Variants in SNAP91 observed in about 807,000 individuals in gnomAD.
The protein encoded by SNAP91 is synaptosome associated protein 91, also known as clathrin coat assembly protein AP180.
SNAP91 carries 27 observed loss-of-function variants against 100.3 expected under a neutral mutation model. That is an observed-to-expected ratio of 0.27 (90% confidence interval 0.20 to 0.37). SNAP91 has a LOEUF of 0.37. SNAP91 is among the 10% of genes least tolerant of loss of function. SNAP91 has a pLI of 1.00. For missense variants in SNAP91, 986 were observed against 1,123.7 expected, an observed-to-expected ratio of 0.88 and a Z score of 1.75; for synonymous variants, 404 against 398.6, an observed-to-expected ratio of 1.01 and a Z score of -0.16.
intron 11 of SNAP91, 57 bp downstream of exon 11, chr6:83,614,800 T>C: frequency 1.5e-6 from 2 of 1,346,108 alleles, no homozygotes; most frequent in Non-Finnish European, 2.0e-6. Context: ...CTTAAGAGTG[T>C]TTTTTGCATT....
rs1433276848 is a variant in SNAP91 at position 83,581,843 on chromosome 6, G to C, written c.2149+379C>G. Among the ~76,000 whole-genome samples the C allele has an allele frequency of 2.6e-5, 4 of 152,298 alleles. No individual in the cohort carries two copies. In the South Asian group the frequency reaches 6.2e-4, roughly 24 times the overall value. ...ACTGAGGGCCATGCAGGCTTCAGAG[G>C]ATGTAAGCAACAGCAGTGGGAGTGT... On this transcript the variant is annotated intron_variant, in intron 23 of 29. Coordinates refer to ENST00000369694, the MANE Select transcript of SNAP91 (RefSeq NM_001242792.2).
chr6:83,612,706 T>C (rs2096217934), intron 11 of SNAP91, among the ~76,000 whole-genome samples: 1 of 151,694 alleles, frequency 6.6e-6, no homozygotes, highest in Non-Finnish European at 1.5e-5. Context: ...CGAAACCCTG[T>C]CTCTACTAAA....
At chr6:83,682,172 C>CTTTTT (rs59549595) in intron 2 of SNAP91, among the ~76,000 whole-genome samples, 2 of 123,502 alleles carry the variant, frequency 1.6e-5, no homozygotes, top group Admixed American at 9.0e-5. Flanking sequence ...TTCTTTAATT[C>CTTTTT]TTTTTTTTTT....
At chr6:83,611,215 G>A (rs2096047854) in intron 11 of SNAP91, among the ~76,000 whole-genome samples, 1 of 151,792 alleles carries the variant, frequency 6.6e-6, no homozygotes, top group South Asian at 2.1e-4. Context: ...CCCCCCCCAT[G>A]GCTGTAATAA....
intron 24 of SNAP91, among the ~76,000 whole-genome samples, chr6:83,576,452 G>A (rs1450425735): frequency 2.0e-5 from 3 of 152,194 alleles, no homozygotes; most frequent in African/African-American, 7.2e-5. Context: ...GGTTTATGTT[G>A]AATATCCACT....
At position 83,560,912 on chromosome 6, in the gene SNAP91, A is replaced by T. The variant is rs754994559; in HGVS notation, c.2478T>A (p.Pro826=). Reference sequence around the variant, plus strand: ...GTCCAACCGATGGGGCCCCGGCAACAGGAGGAACTGAACTGGTTGGAGGTA... The same window carrying T: ...GTCCAACCGATGGGGCCCCGGCAACTGGAGGAACTGAACTGGTTGGAGGTA... ...GAVPPTSSVP[P]VAGAPSVGQP... is the part of the protein sequence containing the mutation. The change falls in exon 27 of 30, where the codon CCT becomes CCA. Residue 826 remains proline (P), a synonymous_variant. Coordinates refer to ENST00000369694, the MANE Select transcript of SNAP91 (RefSeq NM_001242792.2). 6.2e-7 allele frequency: 1 copy of T among 1,613,772 alleles called. No individual in the cohort carries two copies. Among genetic ancestry groups the T allele is most frequent in the Admixed American group, 1.7e-5 (1 of 59,962 alleles).
chr6:83,690,576 C>A, intron 2 of SNAP91: 1 of 351,178 alleles, frequency 2.8e-6, no homozygotes. Context: ...AAAGAGAAAG[C>A]CTACTAAAAT....
chr6:83,600,139 A>G (rs549008559), intron 16 of SNAP91, among the ~76,000 whole-genome samples: 2 of 152,198 alleles, frequency 1.3e-5, no homozygotes, highest in East Asian at 3.9e-4. Flanking sequence ...TCTTTTACAA[A>G]CAGGTTTCTC....
chr6:83,606,099 T>C (rs1309196758), intron 13 of SNAP91, among the ~76,000 whole-genome samples: 2 of 152,178 alleles, frequency 1.3e-5, no homozygotes, highest in African/African-American at 4.8e-5. Flanking sequence ...AATCAACATG[T>C]CTTTGTTCAA....
At chr6:83,595,601 T>C (rs566477695) in intron 16 of SNAP91, among the ~76,000 whole-genome samples, 8 of 151,580 alleles carry the variant, frequency 5.3e-5, no homozygotes, top group African/African-American at 7.3e-5. Context: ...CCCTGGAGAG[T>C]GGAGACCAGC....
chr6:83,558,265 G>A (rs1255651194), intron 28 of SNAP91, among the ~76,000 whole-genome samples: 2 of 152,006 alleles, frequency 1.3e-5, no homozygotes, highest in African/African-American at 4.8e-5. Context: ...TCAAAAAGAT[G>A]ATAGTCATGG....
intron 8 of SNAP91, among the ~76,000 whole-genome samples, chr6:83,623,827 A>G (rs1039767915): frequency 7.9e-5 from 12 of 152,140 alleles, no homozygotes; most frequent in Non-Finnish European, 1.2e-4. Context: ...AGGAAATATG[A>G]AATTATACAA....
At chr6:83,613,511 CTCCAAT>C (rs1300166022) in intron 11 of SNAP91, among the ~76,000 whole-genome samples, 1 of 152,226 alleles carries the variant, frequency 6.6e-6, no homozygotes, top group Admixed American at 6.5e-5. Flanking sequence ...ACCAGAGGTG[CTCCAAT>C]GGGGCCATAG....
intron 2 of SNAP91, among the ~76,000 whole-genome samples, chr6:83,694,011 G>A (rs577661982): frequency 3.9e-4 from 59 of 152,326 alleles, no homozygotes; most frequent in African/African-American, 1.4e-3. Context: ...AAGAGTGCCA[G>A]GATTAATCTG....
intron 2 of SNAP91, among the ~76,000 whole-genome samples, chr6:83,705,317 A>T (rs935760196): frequency 1.3e-5 from 2 of 152,148 alleles, no homozygotes; most frequent in Non-Finnish European, 2.9e-5. Context: ...TAGAATTAAA[A>T]TTTTTTCATG....
intron 9 of SNAP91, among the ~76,000 whole-genome samples, chr6:83,618,697 T>A (rs966070361): frequency 6.6e-6 from 1 of 151,984 alleles, no homozygotes; most frequent in African/African-American, 2.4e-5. Flanking sequence ...GTGATGATGA[T>A]AATGATGATG....
intron 24 of SNAP91, among the ~76,000 whole-genome samples, chr6:83,577,510 T>C (rs1820922805): frequency 6.6e-6 from 1 of 152,120 alleles, no homozygotes; most frequent in African/African-American, 2.4e-5. Context: ...TATGTATACA[T>C]GAATCCCTTG....
intron 26 of SNAP91, among the ~76,000 whole-genome samples, chr6:83,569,123 T>C (rs902049870): frequency 1.3e-5 from 2 of 152,080 alleles, no homozygotes; most frequent in African/African-American, 4.8e-5. Context: ...AACTAAGAAT[T>C]AATAAAGATA....
At chr6:83,572,194 T>C (rs1447192977) in intron 26 of SNAP91, among the ~76,000 whole-genome samples, 1 of 152,194 alleles carries the variant, frequency 6.6e-6, no homozygotes, top group East Asian at 1.9e-4. Flanking sequence ...GGATTCTAAC[T>C]GAAAATTTGT....
Sources: gnomAD v4.1 joint callset for allele counts (sites outside exome capture counted in the v4.1 genomes callset) on GRCh38, gnomAD v4.1.1 for gene constraint, MANE v1.5 for transcripts, NCBI Gene and HGNC (gene_info 2026-07-23, HGNC 2026-07-21) for gene names.